The following SLC22A9 variants were observed in gnomAD, a reference collection of about 807,000 sequenced individuals.
The protein encoded by SLC22A9 is solute carrier family 22 member 9, also known as organic anion transporter 7.
In SLC22A9, 64 loss-of-function variants were observed where a neutral mutation model predicts 50.1. The ratio of observed to expected loss-of-function variants is 1.28; its 90% confidence interval spans 1.04 to 1.57. SLC22A9 has a LOEUF of 1.57. SLC22A9 is among the 40% of genes most tolerant of loss of function. The pLI is 0.00. For synonymous variants in SLC22A9, 261 were observed against 242.5 expected (o/e 1.08, Z -0.71); for missense variants, 757 against 676.1 (o/e 1.12, Z -1.33).
chr11:63,385,223 T>C (rs1231269641), intron 6 of SLC22A9, among the ~76,000 whole-genome samples: 1 of 148,146 alleles, frequency 6.8e-6, no homozygotes, highest in African/African-American at 2.5e-5. Context: ...TCTTTGCCCA[T>C]CCCTATGTCC....
chr11:63,410,257 A>AAAAAAAAAAAG lies in SLC22A9; in HGVS notation c.*398_*399insAAAAAAAGAAA. 2 of 108,468 alleles carry AAAAAAAAAAAG rather than the reference A, an allele frequency of 1.8e-5. No homozygotes were observed. 6.7% of individuals were successfully genotyped at this position (108,468 alleles called of 1,614,324 possible). On this transcript the variant is annotated 3_prime_UTR_variant, in exon 10 of 10. Transcript: ENST00000279178. ...CTGTCTCAAAAAAAAAAAAAAAAAA[A>AAAAAAAAAAAG]AAAGAAAGAAGGAAAGAAAGAAAGA...
Position 63,373,930 on chromosome 11 carries a change from G to A in SLC22A9, c.698G>A (p.Gly233Glu), listed in dbSNP as rs781033042. The change falls in exon 4 of 10, where the codon GGA (glycine) becomes GAA (glutamate). Residue 233 changes from glycine (G) to glutamate (E), a missense_variant. Coordinates refer to ENST00000279178, the MANE Select transcript of SLC22A9 (RefSeq NM_080866.3). ...GCAACACACAGATTCCAGGCCATGGGAATTACATTGGGAATGTGCCCTTCT... is the reference window on the plus strand; with the variant it reads ...GCAACACACAGATTCCAGGCCATGGAAATTACATTGGGAATGTGCCCTTCT... ...EWATHRFQAM[G>E]ITLGMCPSGI... 1.2e-6 allele frequency: 2 copies of A among 1,613,548 alleles called. No homozygotes were observed. The highest frequency in any genetic ancestry group is 1.1e-5 in the South Asian group (1 of 91,062).
chr11:63,373,207 T>G (rs1252652278), intron 2 of SLC22A9, among the ~76,000 whole-genome samples: 1 of 150,038 alleles, frequency 6.7e-6, no homozygotes, highest in African/African-American at 2.4e-5. Flanking sequence ...TCCTTTCACA[T>G]CAGTATACCC....
At chr11:63,381,193 C>T (rs2014554507) in intron 5 of SLC22A9, among the ~76,000 whole-genome samples, 1 of 152,146 alleles carries the variant, frequency 6.6e-6, no homozygotes, top group South Asian at 2.1e-4. Flanking sequence ...CAATATCAAT[C>T]CATTAATTAC....
rs994336616 is a variant in SLC22A9, at chr11:63,375,903, C to T, written c.954+135C>T. 6.3e-6 allele frequency: 7 copies of T among 1,113,392 alleles called. No homozygotes were observed. In the African/African-American group the frequency reaches 1.1e-4, roughly 17 times the overall value. The allele number at this position is 1,113,392 out of a possible 1,614,324, so 69.0% of individuals were successfully genotyped here. On this transcript the variant is annotated intron_variant, in intron 5 of 9. Coordinates refer to ENST00000279178, the MANE Select transcript of SLC22A9 (RefSeq NM_080866.3). ...GTTATGGGCTGTATCACCTCACTAT[C>T]ATTTTTAATGGGCTTCAATATTGTT...
At chr11:63,408,255 A>T (rs1464600446) in intron 8 of SLC22A9, 35 bp downstream of exon 8, 2 of 1,515,902 alleles carry the variant, frequency 1.3e-6, no homozygotes, top group Non-Finnish European at 1.8e-6. Context: ...TCAGGTTCAA[A>T]ATGGACCTTT....
intron 5 of SLC22A9, among the ~76,000 whole-genome samples, chr11:63,377,399 G>T (rs866907257): frequency 6.6e-6 from 1 of 151,918 alleles, no homozygotes. Flanking sequence ...ATATGAAGAA[G>T]ATCTCCCAAA....
In SLC22A9 at chr11:63,406,595, T is replaced by C. The variant is rs1239930550; in HGVS notation, c.1172T>C (p.Leu391Pro). Reference protein sequence around the residue: ...LLQTLFGAVILLANCVAPWAL... With the variant: ...LLQTLFGAVIPLANCVAPWAL... ...CAGACTCTCTTTGGTGCAGTCATCC[T>C]CCTGGCCAACTGTGTTGCACCTTGG... is the stretch of plus-strand genomic sequence containing the variant. Residue 391 changes from leucine (L) to proline (P), a missense_variant, in exon 7 of 10, where the codon CTC becomes CCC. Leu to Pro is a moderately conservative substitution (Grantham distance 98, BLOSUM62 -3). Transcript: ENST00000279178. 2 of 1,613,798 alleles carry C rather than the reference T, an allele frequency of 1.2e-6. No individual in the cohort carries two copies. The highest frequency in any genetic ancestry group is 1.7e-6 in the Non-Finnish European group (2 of 1,179,866).
rs71065364 is a variant in SLC22A9, at chr11:63,386,434, C to CTTTT, written c.1073+4188_1073+4191dup. The stretch of plus-strand genomic sequence containing the variant: ...AGCTATAAATCCACGTGGACCTGGA[C>CTTTT]TTTTTTTTTTTTTTTTTTTTTTTTT... On this transcript the variant is annotated intron_variant, in intron 6 of 9. Transcript: ENST00000279178. Among the ~76,000 whole-genome samples the CTTTT allele has an allele frequency of 2.1e-3, 69 of 33,504 alleles. 14 individuals are homozygous for CTTTT. Among genetic ancestry groups the CTTTT allele is most frequent in the African/African-American group, 2.8e-3 (16 of 5,634 alleles). 22.0% of individuals were successfully genotyped at this position (33,504 alleles called of 152,430 possible).
In SLC22A9 at chr11:63,369,977, G is replaced by C. The variant is rs1161282141; in HGVS notation, c.-80G>C. 2.1e-6 allele frequency: 3 copies of C among 1,407,992 alleles called. No individual in the cohort carries two copies. The highest frequency in any genetic ancestry group is 4.3e-5 in the Admixed American group (2 of 46,940). 87.2% of individuals were successfully genotyped at this position (1,407,992 alleles called of 1,614,324 possible). A position where few individuals can be genotyped will look rare whatever the true frequency, so the allele number is the denominator to read the frequency against. On this transcript the variant is annotated 5_prime_UTR_variant, in exon 1 of 10. Transcript: ENST00000279178. ...CAAAACACATTTAGTGTGACTTAGG[G>C]AAAGAAAACATTTTCCCTCTTTGAA...
chr11:63,389,020 G>A (rs970550141), intron 6 of SLC22A9, among the ~76,000 whole-genome samples: 1 of 152,034 alleles, frequency 6.6e-6, no homozygotes, highest in Admixed American at 6.6e-5. Context: ...CAGTTACAAT[G>A]TCTCCTTTTT....
intron 6 of SLC22A9, among the ~76,000 whole-genome samples, chr11:63,393,352 T>C (rs1220460422): frequency 6.6e-6 from 1 of 152,168 alleles, no homozygotes; most frequent in Non-Finnish European, 1.5e-5. Flanking sequence ...CTGGAAACTT[T>C]GCTGAATTCT....
chr11:63,369,899 G>T lies in SLC22A9; in HGVS notation c.-158G>T. The T allele has an allele frequency of 1.5e-6, 1 of 661,696 alleles. No homozygotes were observed. The highest frequency in any genetic ancestry group is 2.4e-6 in the Non-Finnish European group (1 of 418,782). 41.0% of individuals were successfully genotyped at this position (661,696 alleles called of 1,614,324 possible). ...AACGACTTGAGGAAACTGTTTCCACGGTCCTGCTGCAGAGGGGAAGCACAG... is the reference window on the plus strand; with the variant it reads ...AACGACTTGAGGAAACTGTTTCCACTGTCCTGCTGCAGAGGGGAAGCACAG... On this transcript the variant is annotated 5_prime_UTR_variant, in exon 1 of 10. Transcript: ENST00000279178.
At chr11:63,381,541 C>A (rs1443812670) in intron 5 of SLC22A9, among the ~76,000 whole-genome samples, 1 of 152,046 alleles carries the variant, frequency 6.6e-6, no homozygotes, top group African/African-American at 2.4e-5. Context: ...GGCATTCTCC[C>A]ACACTCACCA....
At chr11:63,388,848 C>A (rs144032493) in intron 6 of SLC22A9, among the ~76,000 whole-genome samples, 1 of 151,974 alleles carries the variant, frequency 6.6e-6, no homozygotes. Flanking sequence ...GCTTTGATCC[C>A]ATTATTTTTT....
At chr11:63,383,512 A>G (rs892016472) in intron 6 of SLC22A9, among the ~76,000 whole-genome samples, 1 of 152,132 alleles carries the variant, frequency 6.6e-6, no homozygotes, top group Non-Finnish European at 1.5e-5. Flanking sequence ...TAGAATCTCT[A>G]TTTGGGTTGA....
intron 6 of SLC22A9, among the ~76,000 whole-genome samples, chr11:63,402,643 CT>C (rs2014970099): frequency 6.7e-6 from 1 of 150,238 alleles, no homozygotes; most frequent in South Asian, 2.1e-4. Flanking sequence ...ATGTGTACCC[CT>C]AACCTAAAAT....
Position 63,409,850 on chromosome 11 carries a change from G to A in SLC22A9, c.1650G>A (p.Val550=). 6.2e-7 allele frequency: 1 copy of A among 1,613,678 alleles called. No individual in the cohort carries two copies. Among genetic ancestry groups the A allele is most frequent in the Non-Finnish European group, 8.5e-7 (1 of 1,179,808 alleles). Residue 550 remains valine (V), a synonymous_variant, in exon 10 of 10, where the codon GTG becomes GTA. Coordinates refer to ENST00000279178, the MANE Select transcript of SLC22A9 (RefSeq NM_080866.3). ...AGCAAGAGGATCCGAGAGTGGAAGT[G>A]ACGCAGTTTTAAGGAATTCCAGGAG... ...EPKQEDPRVE[V]TQF
chr11:63,371,263 T>C, intron 2 of SLC22A9, 25 bp downstream of exon 2: 2 of 1,495,874 alleles, frequency 1.3e-6, no homozygotes, highest in South Asian at 2.3e-5. Flanking sequence ...AACACAGCTC[T>C]CTTTAAGGGC....
Sources: gnomAD v4.1 joint callset for allele counts (sites outside exome capture counted in the v4.1 genomes callset) on GRCh38, gnomAD v4.1.1 for gene constraint, MANE v1.5 for transcripts, NCBI Gene and HGNC (gene_info 2026-07-23, HGNC 2026-07-21) for gene names.